The following SYNE3 variants were observed in gnomAD, a reference collection of about 807,000 sequenced individuals.
SYNE3 encodes nesprin-3.
A neutral mutation model predicts 111.2 loss-of-function variants in SYNE3; 100 were observed. The observed-to-expected ratio is 0.90, with a 90% CI of 0.77 to 1.06. The LOEUF (loss-of-function observed/expected upper bound fraction) is 1.06. Among genes scored for constraint, SYNE3 ranks in the 50% least tolerant of loss-of-function variants. SYNE3 has a pLI of 0.00. For synonymous variants in SYNE3, 547 were observed against 533.9 expected, an observed-to-expected ratio of 1.02 and a Z score of -0.34; for missense variants, 1,160 against 1,240.3, an observed-to-expected ratio of 0.94 and a Z score of 0.97.
intron 1 of SYNE3, among the ~76,000 whole-genome samples, chr14:95,490,929 C>T (rs1889819346): frequency 6.6e-6 from 1 of 152,234 alleles, no homozygotes; most frequent in Non-Finnish European, 1.5e-5. Context: ...ATTAGAATGT[C>T]CCGCTCAAGG....
intron 1 of SYNE3, among the ~76,000 whole-genome samples, chr14:95,484,931 G>A (rs1481119343): frequency 6.6e-6 from 1 of 152,170 alleles, no homozygotes; most frequent in African/African-American, 2.4e-5. Flanking sequence ...GAGACACCTG[G>A]GGGTCTTGTT....
intron 1 of SYNE3, chr14:95,516,196 C>CG (rs1364247324): frequency 6.6e-6 from 1 of 152,294 alleles, no homozygotes; most frequent in Non-Finnish European, 1.5e-5. Context: ...ATTGGGCCCC[C>CG]GCCGCGCGCA....
intron 6 of SYNE3, among the ~76,000 whole-genome samples, chr14:95,454,629 T>C (rs1379144364): frequency 6.6e-6 from 1 of 152,226 alleles, no homozygotes; most frequent in African/African-American, 2.4e-5. Flanking sequence ...CAGCCCTTTG[T>C]TTCTCCCTAC....
intron 14 of SYNE3, chr14:95,438,777 C>G (rs1371715752): frequency 2.5e-6 from 1 of 401,592 alleles, no homozygotes; most frequent in African/African-American, 2.0e-5. Flanking sequence ...AGGTGAGTAT[C>G]TGACTGGCTA....
At chr14:95,446,313 C>A (rs997723025) in intron 8 of SYNE3, among the ~76,000 whole-genome samples, 53 of 152,240 alleles carry the variant, frequency 3.5e-4, no homozygotes, top group Admixed American at 1.3e-4. Context: ...TCCCCTCCCA[C>A]ATCTGTCTTG....
intron 3 of SYNE3, 24 bp from the exon 4 acceptor site, chr14:95,466,264 T>C (rs1467833720): frequency 5.2e-6 from 8 of 1,536,388 alleles, no homozygotes; most frequent in Admixed American, 1.8e-5. Context: ...GACCTCAAGG[T>C]TGTGAGGGAA....
chr14:95,485,953 G>GGT lies in SYNE3; in HGVS notation c.-14-10120_-14-10119dup, dbSNP rs1168422225. On this transcript the variant is annotated intron_variant, in intron 1 of 17. Transcript: ENST00000682763. The surrounding 1 kb of genome is among the most constrained non-coding windows in gnomAD (Gnocchi z 4.3). ...GGACAAGGGTCAGGGGAGGGACAGA[G>GGT]GTGCAGACAGCAGCCTGCACTCAAG... is the stretch of plus-strand genomic sequence containing the variant. Among the ~76,000 whole-genome samples, 1 of 152,124 alleles carries GGT rather than the reference G, an allele frequency of 6.6e-6. No homozygotes were observed. Among genetic ancestry groups the GGT allele is most frequent in the Non-Finnish European group, 1.5e-5 (1 of 68,012 alleles).
intron 16 of SYNE3, 140 bp from the exon 17 acceptor site, chr14:95,432,257 C>G: frequency 2.1e-6 from 2 of 954,176 alleles, no homozygotes; most frequent in Non-Finnish European, 3.2e-6. Flanking sequence ...ATCTGGACAG[C>G]CTGAGCCAGC....
intron 17 of SYNE3, among the ~76,000 whole-genome samples, chr14:95,423,944 ATGGG>A: frequency 9.2e-6 from 1 of 109,090 alleles, no homozygotes; most frequent in Non-Finnish European, 1.9e-5. Flanking sequence ...TTTGATGGGG[ATGGG>A]GATTTGATGG....
chr14:95,493,732 A>G (rs1457597264), intron 1 of SYNE3, among the ~76,000 whole-genome samples: 1 of 152,204 alleles, frequency 6.6e-6, no homozygotes, highest in Non-Finnish European at 1.5e-5. Flanking sequence ...TTAGAGGAAA[A>G]TAAAGCTGAG....
At chr14:95,482,390 C>T (rs1266673267) in intron 1 of SYNE3, among the ~76,000 whole-genome samples, 3 of 152,120 alleles carry the variant, frequency 2.0e-5, no homozygotes, top group African/African-American at 4.8e-5. Flanking sequence ...GAAGAGATTG[C>T]GCCACTGCAC....
chr14:95,409,927 C>T lies in SYNE3; in HGVS notation c.*7899G>A, dbSNP rs1009270905. ...TGGCCTGGAAAGGCTCAGAGATCCT[C>T]ATTTTCCAAGATTTGCACCCAGGAG... On this transcript the variant is annotated 3_prime_UTR_variant, in exon 18 of 18. Coordinates refer to ENST00000682763, the MANE Select transcript of SYNE3 (RefSeq NM_152592.6). The T allele has an allele frequency of 1.9e-5, 3 of 158,078 alleles. No individual in the cohort carries two copies. Among genetic ancestry groups the T allele is most frequent in the African/African-American group, 2.4e-5 (1 of 41,510 alleles). The allele number at this position is 158,078 out of a possible 1,614,324, so 9.8% of individuals were successfully genotyped here.
At chr14:95,503,611 T>TA (rs1890420672) in intron 1 of SYNE3, among the ~76,000 whole-genome samples, 1 of 69,504 alleles carries the variant, frequency 1.4e-5, no homozygotes, top group South Asian at 4.7e-4. Context: ...CAGAACTACC[T>TA]TTTTTTTTTT....
At chr14:95,419,655 G>A (rs1228320055) in intron 17 of SYNE3, among the ~76,000 whole-genome samples, 1 of 148,614 alleles carries the variant, frequency 6.7e-6, no homozygotes, top group Non-Finnish European at 1.5e-5. Flanking sequence ...TGGCAATGAT[G>A]GCAGTGATGC....
rs374326445 is a variant in SYNE3 at position 95,515,207 on chromosome 14, T to C, written c.-15+1389A>G. Reference sequence around the variant, plus strand: ...GCCACCCCCAGAGGGGCCTCTCTGGTTGAAAACAACGCCTGGGGCCAGCAG... The same window carrying C: ...GCCACCCCCAGAGGGGCCTCTCTGGCTGAAAACAACGCCTGGGGCCAGCAG... On this transcript the variant is annotated intron_variant, in intron 1 of 17. Transcript: ENST00000682763. Among the ~76,000 whole-genome samples the C allele has an allele frequency of 2.5e-4, 38 of 152,224 alleles. No homozygotes were observed. In the East Asian group the frequency reaches 5.2e-3, roughly 21 times the overall value.
chr14:95,499,856 C>CTTTTTTTTTTTTTTTTTTTTTTTTTTTT lies in SYNE3; in HGVS notation c.-15+16739_-15+16740insAAAAAAAAAAAAAAAAAAAAAAAAAAAA, dbSNP rs10547044. 1.1e-4 allele frequency among the ~76,000 whole-genome samples: 10 copies of CTTTTTTTTTTTTTTTTTTTTTTTTTTTT among 90,062 alleles called. 3 individuals carry two copies. Among genetic ancestry groups the CTTTTTTTTTTTTTTTTTTTTTTTTTTTT allele is most frequent in the African/African-American group, 4.2e-4 (9 of 21,244 alleles). 59.1% of individuals were successfully genotyped at this position (90,062 alleles called of 152,430 possible). A position where few individuals can be genotyped will look rare whatever the true frequency, so the allele number is the denominator to read the frequency against. ...AATCCCCTGTATCACTAACTCTTGT[C>CTTTTTTTTTTTTTTTTTTTTTTTTTTTT]TTTTTTTTTTTTTTTTTTTTGAGAT... On this transcript the variant is annotated intron_variant, in intron 1 of 17. Coordinates refer to ENST00000682763, the MANE Select transcript of SYNE3 (RefSeq NM_152592.6).
At position 95,455,428 on chromosome 14, in the gene SYNE3, C is replaced by T. The variant is rs757435799; in HGVS notation, c.1086G>A (p.Ala362=). ...GCTCGTCCTCGGTCCCCGCTTTCGCCGCAGGCTGCAGGCCCTCCTGGGCCA... is the reference window on the plus strand; with the variant it reads ...GCTCGTCCTCGGTCCCCGCTTTCGCTGCAGGCTGCAGGCCCTCCTGGGCCA... The part of the protein sequence containing the change: ...QRLAQEGLQP[A]AKAGTEDELV... The change falls in exon 6 of 18, where the codon GCG becomes GCA. Residue 362 remains alanine (A), a synonymous_variant. Transcript: ENST00000682763. The T allele has an allele frequency of 1.1e-5, 17 of 1,576,344 alleles. No individual in the cohort carries two copies. In the African/African-American group the frequency reaches 1.6e-4, roughly 15 times the overall value.
At chr14:95,473,160 G>A (rs939435898) in intron 2 of SYNE3, among the ~76,000 whole-genome samples, 4 of 152,132 alleles carry the variant, frequency 2.6e-5, no homozygotes, top group African/African-American at 7.2e-5. Flanking sequence ...CCGGAGCCCC[G>A]TGGGAGGAGA....
At chr14:95,506,998 C>G (rs1291944741) in intron 1 of SYNE3, among the ~76,000 whole-genome samples, 1 of 152,218 alleles carries the variant, frequency 6.6e-6, no homozygotes, top group Non-Finnish European at 1.5e-5. Flanking sequence ...GCTAAACTAA[C>G]AATAGTGATG....
Sources: allele counts gnomAD v4.1 joint callset (sites outside exome capture counted in the v4.1 genomes callset), GRCh38; gene constraint gnomAD v4.1.1; non-coding constraint Gnocchi (gnomAD v3.1); transcripts MANE v1.5; gene names NCBI Gene and HGNC (gene_info 2026-07-23, HGNC 2026-07-21).